Variants in MICU2 observed in about 807,000 individuals in gnomAD.
The protein encoded by MICU2 is mitochondrial calcium uptake 2.
Under a neutral mutation model 60.4 loss-of-function variants are expected in MICU2, and 64 were observed. The ratio of observed to expected loss-of-function variants is 1.06; its 90% confidence interval spans 0.87 to 1.31. The LOEUF is 1.31. MICU2 is among the 50% of genes most tolerant of loss of function. MICU2 has a pLI of 0.00. For missense variants in MICU2, 569 were observed against 531.0 expected, an observed-to-expected ratio of 1.07 and a Z score of -0.70; for synonymous variants, 201 against 175.0, an observed-to-expected ratio of 1.15 and a Z score of -1.17.
intron 4 of MICU2, among the ~76,000 whole-genome samples, chr13:21,525,577 T>C (rs769760056): frequency 4.0e-5 from 6 of 151,722 alleles, no homozygotes; most frequent in Non-Finnish European, 8.8e-5. Context: ...CTCCACATCC[T>C]CAACGCTTGT....
intron 1 of MICU2, among the ~76,000 whole-genome samples, chr13:21,590,021 T>C (rs566421965): frequency 6.6e-6 from 1 of 152,306 alleles, no homozygotes; most frequent in East Asian, 1.9e-4. Context: ...GCTATTTCTT[T>C]TGCAGCACCA....
intron 9 of MICU2, among the ~76,000 whole-genome samples, chr13:21,501,463 C>T (rs571561818): frequency 1.1e-4 from 17 of 152,170 alleles, no homozygotes; most frequent in African/African-American, 2.4e-4. Context: ...GTGGTTTCAC[C>T]GTGTTAACCA....
intron 1 of MICU2, among the ~76,000 whole-genome samples, chr13:21,576,576 C>T (rs1182058533): frequency 2.0e-5 from 3 of 152,152 alleles, no homozygotes; most frequent in African/African-American, 7.2e-5. Context: ...CTGTATTTTA[C>T]AGTTTGTGAC....
At chr13:21,597,328 G>A (rs897112603) in intron 1 of MICU2, among the ~76,000 whole-genome samples, 11 of 152,176 alleles carry the variant, frequency 7.2e-5, no homozygotes, top group African/African-American at 2.2e-4. Flanking sequence ...TTTTCTAATG[G>A]GAATATGGGA....
At chr13:21,502,158 T>C (rs76704026) in intron 9 of MICU2, among the ~76,000 whole-genome samples, 1 of 152,152 alleles carries the variant, frequency 6.6e-6, no homozygotes, top group African/African-American at 2.4e-5. Context: ...TTCTTTTTTT[T>C]TGTTAAATTT....
At chr13:21,529,720 T>C (rs1192585532) in intron 4 of MICU2, among the ~76,000 whole-genome samples, 1 of 152,212 alleles carries the variant, frequency 6.6e-6, no homozygotes, top group Non-Finnish European at 1.5e-5. Flanking sequence ...CACTGTAACC[T>C]TGAAGTAGAT....
At chr13:21,554,051 A>T (rs555751990) in intron 2 of MICU2, among the ~76,000 whole-genome samples, 2 of 152,326 alleles carry the variant, frequency 1.3e-5, no homozygotes, top group South Asian at 4.1e-4. Context: ...AGTGACCTAC[A>T]GAGAGACTTA....
At chr13:21,550,079 G>A (rs770675802) in intron 2 of MICU2, among the ~76,000 whole-genome samples, 7 of 152,102 alleles carry the variant, frequency 4.6e-5, no homozygotes, top group Non-Finnish European at 4.4e-5. Flanking sequence ...TGATTGTAAG[G>A]TCTAGCTGCA....
chr13:21,593,585 A>AC (rs1555277347), intron 1 of MICU2, among the ~76,000 whole-genome samples: 4 of 149,574 alleles, frequency 2.7e-5, no homozygotes, highest in African/African-American at 7.3e-5. Flanking sequence ...AAAAAAAAAA[A>AC]AAAAAAAAAC....
chr13:21,575,573 A>T (rs1025364832), intron 1 of MICU2, among the ~76,000 whole-genome samples: 5 of 151,556 alleles, frequency 3.3e-5, no homozygotes, highest in Admixed American at 6.6e-5. Context: ...AAAACACACA[A>T]ATTAGCTAGG....
intron 8 of MICU2, among the ~76,000 whole-genome samples, chr13:21,506,302 C>T (rs1028266160): frequency 7.2e-5 from 11 of 152,170 alleles, no homozygotes; most frequent in Non-Finnish European, 1.5e-4. Flanking sequence ...AGGTGTGAGC[C>T]GCCGCGCCCA....
In MICU2 at chr13:21,602,042, G is replaced by C. The variant is rs566731207; in HGVS notation, c.210+1897C>G. Among the ~76,000 whole-genome samples the C allele has an allele frequency of 3.3e-5, 5 of 151,626 alleles. No homozygotes were observed. The East Asian group carries it at 9.7e-4, about 30-fold the overall frequency. ...AGAATTACTTGAACCGGGGAGTTAA[G>C]AGGTTGTAGTGAGCCGGGATCACGC... On this transcript the variant is annotated intron_variant, in intron 1 of 11. Transcript: ENST00000382374.
chr13:21,573,521 C>T (rs904256612), intron 1 of MICU2, among the ~76,000 whole-genome samples: 1 of 152,142 alleles, frequency 6.6e-6, no homozygotes, highest in Admixed American at 6.5e-5. Context: ...ATCCGCCCAC[C>T]TCGGCCTATA....
chr13:21,510,989 G>A (rs900123644), intron 7 of MICU2, among the ~76,000 whole-genome samples: 1 of 152,192 alleles, frequency 6.6e-6, no homozygotes, highest in African/African-American at 2.4e-5. Flanking sequence ...TGAGCACAGT[G>A]AAGAAGGGCT....
intron 4 of MICU2, among the ~76,000 whole-genome samples, chr13:21,529,229 G>C (rs1235137969): frequency 6.6e-6 from 1 of 152,204 alleles, no homozygotes; most frequent in Non-Finnish European, 1.5e-5. Flanking sequence ...AAGAGAGAGA[G>C]AAAGGGTTCT....
chr13:21,554,066 C>G (rs1197863194), intron 2 of MICU2, among the ~76,000 whole-genome samples: 1 of 152,126 alleles, frequency 6.6e-6, no homozygotes, highest in Non-Finnish European at 1.5e-5. Context: ...GACTTAGACT[C>G]CCACACAATA....
In MICU2 at chr13:21,549,070, C is replaced by T. The variant is rs113671530; in HGVS notation, c.359-9382G>A. On this transcript the variant is annotated intron_variant, in intron 2 of 11. Transcript: ENST00000382374. ...CCTCCCAAGTAGCTGGGACTACAGGCGCCCGCCACCACACCTGGCTCATTT... is the reference window on the plus strand; with the variant it reads ...CCTCCCAAGTAGCTGGGACTACAGGTGCCCGCCACCACACCTGGCTCATTT... 7.3e-3 allele frequency among the ~76,000 whole-genome samples: 1,113 copies of T among 151,806 alleles called. 18 individuals are homozygous for T. Among genetic ancestry groups the T allele is most frequent in the African/African-American group, 0.025 (1,044 of 41,398 alleles).
intron 4 of MICU2, chr13:21,530,768 C>T: frequency 3.2e-6 from 2 of 625,494 alleles, no homozygotes; most frequent in Non-Finnish European, 2.8e-6. Context: ...GCCATACCCA[C>T]CACCGCCCCA....
chr13:21,525,181 A>ATTTTTTTTTTTTTTTTTT (rs71093324), intron 4 of MICU2, among the ~76,000 whole-genome samples: 1 of 83,306 alleles, frequency 1.2e-5, no homozygotes, highest in Non-Finnish European at 2.2e-5. Flanking sequence ...GTGTAATTCA[A>ATTTTTTTTTTTTTTTTTT]TTTTTTTTTT....
Sources: allele counts gnomAD v4.1 joint callset (sites outside exome capture counted in the v4.1 genomes callset), GRCh38; gene constraint gnomAD v4.1.1; transcripts MANE v1.5; gene names NCBI Gene and HGNC (gene_info 2026-07-23, HGNC 2026-07-21).